The following ABCA13 variants were observed in gnomAD, a reference collection of about 807,000 sequenced individuals.
The protein encoded by ABCA13 is ATP-binding cassette sub-family A member 13.
Under a neutral mutation model 478.7 loss-of-function variants are expected in ABCA13, and 476 were observed. The ratio of observed to expected loss-of-function variants is 0.99; its 90% CI spans 0.92 to 1.07. The LOEUF is 1.07. Among genes scored for constraint, ABCA13 ranks in the 50% least tolerant of loss-of-function variants. The pLI, the probability that ABCA13 is intolerant of heterozygous loss-of-function variation, is 0.00. For synonymous variants in ABCA13, 2,252 were observed against 2,158.9 expected (o/e 1.04, Z -1.20); for missense variants, 6,060 against 5,910.6 (o/e 1.03, Z -0.83).
At chr7:48,292,357 C>T (rs1798657137) in intron 20 of ABCA13, among the ~76,000 whole-genome samples, 1 of 152,148 alleles carries the variant, frequency 6.6e-6, no homozygotes, top group Non-Finnish European at 1.5e-5. Flanking sequence ...CCTGATCTGG[C>T]CATGTTCTAC....
chr7:48,352,642 A>G (rs1422512792), intron 31 of ABCA13, among the ~76,000 whole-genome samples, 155 bp downstream of exon 31: 1 of 152,078 alleles, frequency 6.6e-6, no homozygotes, highest in African/African-American at 2.4e-5. Context: ...CATTTTTTTT[A>G]TATGCTTGTA....
intron 59 of ABCA13, chr7:48,626,789 G>A (rs1361369709): frequency 2.0e-6 from 2 of 985,350 alleles, no homozygotes; most frequent in South Asian, 4.7e-5. Context: ...ACAGAAGTTG[G>A]GTGGGCTGTG....
intron 27 of ABCA13, among the ~76,000 whole-genome samples, chr7:48,329,511 CT>C (rs1260927045): frequency 2.0e-5 from 3 of 152,114 alleles, no homozygotes; most frequent in Non-Finnish European, 4.4e-5. Flanking sequence ...GCACAAGTCC[CT>C]TTTGTTTCAG....
chr7:48,190,882 T>G (rs1047229874), intron 1 of ABCA13, among the ~76,000 whole-genome samples: 6 of 152,186 alleles, frequency 3.9e-5, no homozygotes, highest in Non-Finnish European at 7.4e-5. Context: ...TACATATGTT[T>G]ATTTACATAT....
chr7:48,324,848 G>A (rs117954447), intron 27 of ABCA13, among the ~76,000 whole-genome samples: 404 of 152,254 alleles, frequency 2.7e-3, no homozygotes, highest in African/African-American at 5.0e-3. Flanking sequence ...TACCTAGCAC[G>A]GTACAATGAT....
At chr7:48,547,025 A>G (rs1376038923) in intron 55 of ABCA13, among the ~76,000 whole-genome samples, 10 of 151,928 alleles carry the variant, frequency 6.6e-5, no homozygotes. Flanking sequence ...CTAATTTTAC[A>G]TCAAAGTGAT....
chr7:48,239,456 T>G, intron 9 of ABCA13, 51 bp downstream of exon 9: 1 of 1,527,564 alleles, frequency 6.5e-7, no homozygotes, highest in Non-Finnish European at 8.8e-7. Flanking sequence ...AGTTTGAGTG[T>G]CCAAATCCAT....
chr7:48,197,366 T>C (rs1798068290), intron 2 of ABCA13, among the ~76,000 whole-genome samples: 1 of 152,168 alleles, frequency 6.6e-6, no homozygotes, highest in African/African-American at 2.4e-5. Flanking sequence ...GACAGGCATC[T>C]CCATTCCAGG....
chr7:48,608,801 T>A (rs1342965530), intron 58 of ABCA13, among the ~76,000 whole-genome samples: 1 of 152,220 alleles, frequency 6.6e-6, no homozygotes, highest in Non-Finnish European at 1.5e-5. Context: ...TAAAAGTGCT[T>A]CTTAGATTGT....
chr7:48,585,459 A>G (rs1213141256), intron 56 of ABCA13, among the ~76,000 whole-genome samples: 1 of 152,182 alleles, frequency 6.6e-6, no homozygotes, highest in Non-Finnish European at 1.5e-5. Flanking sequence ...CTATTTTACC[A>G]TAAGACCAGT....
intron 43 of ABCA13, among the ~76,000 whole-genome samples, chr7:48,460,535 T>C (rs1826135761): frequency 6.6e-6 from 1 of 152,166 alleles, no homozygotes; most frequent in African/African-American, 2.4e-5. Flanking sequence ...TCATATTGGA[T>C]ATGGTACCCA....
intron 14 of ABCA13, 22 bp downstream of exon 14, chr7:48,248,466 A>C (rs887778363): frequency 1.3e-6 from 2 of 1,524,924 alleles, no homozygotes; most frequent in African/African-American, 1.4e-5. Flanking sequence ...TTTGGTGGGA[A>C]ACTTATAAAC....
intron 37 of ABCA13, among the ~76,000 whole-genome samples, chr7:48,390,495 G>A (rs1024774755): frequency 6.6e-6 from 1 of 152,166 alleles, no homozygotes; most frequent in African/African-American, 2.4e-5. Context: ...TTTTTGTGCA[G>A]TAAACAGTAT....
intron 56 of ABCA13, among the ~76,000 whole-genome samples, chr7:48,584,654 G>A (rs544545780): frequency 6.6e-6 from 1 of 152,178 alleles, no homozygotes; most frequent in South Asian, 2.1e-4. Flanking sequence ...ACCCTGAACT[G>A]GAATAATTGG....
intron 43 of ABCA13, among the ~76,000 whole-genome samples, chr7:48,466,395 AT>A (rs1210173976): frequency 6.6e-6 from 1 of 152,210 alleles, no homozygotes; most frequent in African/African-American, 2.4e-5. Context: ...GTAAAATTTA[AT>A]GTGTACTTAA....
At chr7:48,481,287 G>A (rs1381469886) in intron 46 of ABCA13, 133 bp downstream of exon 46, 1 of 695,438 alleles carries the variant, frequency 1.4e-6, no homozygotes, top group Non-Finnish European at 2.5e-6. Flanking sequence ...TCCACAGTGT[G>A]TGATGTTCCC....
chr7:48,241,103 A>G, intron 10 of ABCA13, 37 bp downstream of exon 10: 1 of 1,607,298 alleles, frequency 6.2e-7, no homozygotes, highest in South Asian at 1.1e-5. Flanking sequence ...TTGATTAGGT[A>G]GATGACACAG....
chr7:48,245,476 C>G (rs1459716751), intron 11 of ABCA13, 36 bp from the exon 12 acceptor site: 2 of 1,543,406 alleles, frequency 1.3e-6, no homozygotes, highest in Admixed American at 3.6e-5. Context: ...GCTTACTTAC[C>G]TTAGGTGAAT....
At chr7:48,281,963 C>T (rs1241255892) in intron 19 of ABCA13, among the ~76,000 whole-genome samples, 1 of 152,156 alleles carries the variant, frequency 6.6e-6, no homozygotes, top group Non-Finnish European at 1.5e-5. Flanking sequence ...CCTGCAGTAA[C>T]CTGAATTCCC....
Sources: allele counts gnomAD v4.1 joint callset (sites outside exome capture counted in the v4.1 genomes callset), GRCh38; gene constraint gnomAD v4.1.1; transcripts MANE v1.5; gene names NCBI Gene and HGNC (gene_info 2026-07-23, HGNC 2026-07-21).